TDRD10: variants seen among roughly 807,000 people sequenced by gnomAD.
The protein encoded by TDRD10 is tudor domain-containing protein 10.
In TDRD10, 40 loss-of-function variants were observed where a neutral mutation model predicts 48.0. The ratio of observed to expected loss-of-function variants is 0.83; its 90% confidence interval spans 0.65 to 1.09. The LOEUF (loss-of-function observed/expected upper bound fraction) is 1.09. Ranked by LOEUF, TDRD10 falls within the 50% of genes least tolerant of loss-of-function variation. The probability of loss-of-function intolerance (pLI) is 0.00; values close to 1 mark genes in which losing one functional copy is unlikely to be tolerated. For synonymous variants in TDRD10, 162 were observed against 170.4 expected, an observed-to-expected ratio of 0.95 and a Z score of 0.38; for missense variants, 378 against 434.7, an observed-to-expected ratio of 0.87 and a Z score of 1.16.
intron 6 of TDRD10, among the ~76,000 whole-genome samples, chr1:154,526,221 A>C: frequency 6.8e-6 from 1 of 147,214 alleles, no homozygotes; most frequent in Non-Finnish European, 1.5e-5. Context: ...AAAAAAAAAG[A>C]AACTTGACAT....
At chr1:154,524,520 G>A (rs1200716066) in intron 6 of TDRD10, among the ~76,000 whole-genome samples, 1 of 152,132 alleles carries the variant, frequency 6.6e-6, no homozygotes, top group Non-Finnish European at 1.5e-5. Context: ...CTATATCATG[G>A]AGACTTCTAT....
rs534373207 is a variant in TDRD10 at position 154,525,621 on chromosome 1, C to T, written c.369+4142C>T. Among the ~76,000 whole-genome samples, 5 of 152,218 alleles carry T rather than the reference C, an allele frequency of 3.3e-5. No individual in the cohort carries two copies. The East Asian group carries it at 5.8e-4, about 18-fold the overall frequency. ...GGAAGTAGACATTAATGGCCAGGCACGGTGGCTAACACCTGTAATCCCAGC... is the reference window on the plus strand; with the variant it reads ...GGAAGTAGACATTAATGGCCAGGCATGGTGGCTAACACCTGTAATCCCAGC... On this transcript the variant is annotated intron_variant, in intron 6 of 12. Transcript: ENST00000368482.
chr1:154,531,083 C>T (rs543969394), intron 6 of TDRD10, among the ~76,000 whole-genome samples: 117 of 152,110 alleles, frequency 7.7e-4, no homozygotes, highest in African/African-American at 2.5e-3. Flanking sequence ...TCAAGTGATC[C>T]GCCTGCCTCA....
In TDRD10 at chr1:154,542,711, C is replaced by G; in HGVS notation, c.413-20C>G. ...CTGGGTAGTTCTGGTGCCTCCAGGACTTAGTCTTCTGCTTTCTAGCTATTA... is the reference window on the plus strand; with the variant it reads ...CTGGGTAGTTCTGGTGCCTCCAGGAGTTAGTCTTCTGCTTTCTAGCTATTA... On this transcript the variant is annotated intron_variant, in intron 7 of 12. Transcript: ENST00000368482. 1.9e-6 allele frequency: 3 copies of G among 1,607,846 alleles called. No individual in the cohort carries two copies. Among genetic ancestry groups the G allele is most frequent in the Non-Finnish European group, 2.6e-6 (3 of 1,175,242 alleles).
chr1:154,516,145 G>T (rs968059147), intron 4 of TDRD10, among the ~76,000 whole-genome samples: 5 of 152,236 alleles, frequency 3.3e-5, no homozygotes, highest in African/African-American at 1.2e-4. Flanking sequence ...TTGAATGAAA[G>T]AGTGAGAGGA....
intron 4 of TDRD10, among the ~76,000 whole-genome samples, chr1:154,510,397 C>T (rs1693393235): frequency 6.6e-6 from 1 of 151,928 alleles, no homozygotes; most frequent in Non-Finnish European, 1.5e-5. Context: ...TCGAGACCAT[C>T]CTGGCTAACA....
intron 6 of TDRD10, 29 bp downstream of exon 6, chr1:154,521,508 G>T (rs371032139): frequency 6.2e-7 from 1 of 1,608,186 alleles, no homozygotes; most frequent in Non-Finnish European, 8.5e-7. Flanking sequence ...CTGCTCTGGG[G>T]CGTTCCATTT....
rs1010726875 is a variant in TDRD10 at position 154,507,244 on chromosome 1, C to T, written c.6C>T (p.Ser2=). The T allele has an allele frequency of 6.8e-6, 11 of 1,614,006 alleles. No homozygotes were observed. In the Middle Eastern group the frequency reaches 5.0e-4, roughly 73 times the overall value. ...TGCTGACACCTGTGTTTGACAGGTC[C>T]TGGAACATTAGTCACCCCCAACTCT... M[S]WNISHPQLSD... Residue 2 remains serine (S), a synonymous_variant, in exon 3 of 13, where the codon TCC becomes TCT. Transcript: ENST00000368482.
chr1:154,517,492 G>A lies in TDRD10; in HGVS notation c.142-2812G>A, dbSNP rs151148866. Among the ~76,000 whole-genome samples, 442 of 151,434 alleles carry A rather than the reference G, an allele frequency of 2.9e-3. 4 individuals carry two copies. Among genetic ancestry groups the A allele is most frequent in the African/African-American group, 0.01 (423 of 41,218 alleles). ...GCTGGAGCGCAATGGTGCGATCTCG[G>A]CTCACTGCACCCTCTGCCCCCTGGG... On this transcript the variant is annotated intron_variant, in intron 4 of 12. Coordinates refer to ENST00000368482, the MANE Select transcript of TDRD10 (RefSeq NM_182499.4).
chr1:154,513,793 A>G (rs572898081), intron 4 of TDRD10, among the ~76,000 whole-genome samples: 2 of 152,366 alleles, frequency 1.3e-5, no homozygotes, highest in African/African-American at 4.8e-5. Flanking sequence ...ATGCCGCCAT[A>G]AAGCAGCAGC....
intron 11 of TDRD10, among the ~76,000 whole-genome samples, chr1:154,546,446 ATATAT>A (rs1399159272): frequency 2.0e-5 from 3 of 146,748 alleles, no homozygotes; most frequent in East Asian, 2.0e-4. Flanking sequence ...ATCACGTAAT[ATATAT>A]TATATATTAT....
intron 3 of TDRD10, among the ~76,000 whole-genome samples, 180 bp from the exon 4 acceptor site, chr1:154,508,243 A>G (rs769583579): frequency 6.6e-6 from 1 of 152,202 alleles, no homozygotes; most frequent in Non-Finnish European, 1.5e-5. Flanking sequence ...AGCCAGGTAC[A>G]GTGGCTCACG....
intron 6 of TDRD10, among the ~76,000 whole-genome samples, chr1:154,526,902 T>A (rs12743348): frequency 1.6e-5 from 2 of 122,022 alleles, no homozygotes; most frequent in Admixed American, 8.7e-5. Context: ...ATTTTTTTTT[T>A]ATTTTTTTAT....
chr1:154,520,514 G>A, intron 5 of TDRD10, 140 bp downstream of exon 5: 1 of 665,696 alleles, frequency 1.5e-6, no homozygotes, highest in Non-Finnish European at 2.7e-6. Flanking sequence ...GAACATTTGG[G>A]AAACCCCCTT....
At chr1:154,508,527 A>G (rs763058597) in intron 4 of TDRD10, 46 bp downstream of exon 4, 15 of 1,314,736 alleles carry the variant, frequency 1.1e-5, no homozygotes, top group Admixed American at 6.7e-5. Context: ...TGGCCTTCCC[A>G]TATGACTTAG....
chr1:154,546,613 G>A (rs916502698), intron 11 of TDRD10, among the ~76,000 whole-genome samples: 1 of 152,008 alleles, frequency 6.6e-6, no homozygotes, highest in African/African-American at 2.4e-5. Context: ...GTTGTCTTGG[G>A]TCATTGCATG....
In TDRD10 at chr1:154,547,818, G is replaced by GC; in HGVS notation, c.*110dup. On this transcript the variant is annotated 3_prime_UTR_variant, in exon 13 of 13. Transcript: ENST00000368482. ...TCTTGAGGCCTGGGAGGTGAAAAAG[G>GC]CCAGACTGTGCCCAGGATTGATTCA... 7.4e-7 allele frequency: 1 copy of GC among 1,348,582 alleles called. No individual in the cohort carries two copies. Among genetic ancestry groups the GC allele is most frequent in the Non-Finnish European group, 1.1e-6 (1 of 948,964 alleles). The allele number at this position is 1,348,582 out of a possible 1,614,324, so 83.5% of individuals were successfully genotyped here.
chr1:154,545,846 C>A (rs1695525672), intron 11 of TDRD10, among the ~76,000 whole-genome samples: 1 of 149,522 alleles, frequency 6.7e-6, no homozygotes. Context: ...TCTCGGCTCA[C>A]TGCAACCTCC....
At chr1:154,545,079 A>G in intron 11 of TDRD10, 130 bp downstream of exon 11, 1 of 1,235,610 alleles carries the variant, frequency 8.1e-7, no homozygotes, top group Non-Finnish European at 1.1e-6. Context: ...ACCCAACCCC[A>G]GTTTTCAGCA....
Sources: gnomAD v4.1 joint callset for allele counts (sites outside exome capture counted in the v4.1 genomes callset) on GRCh38, gnomAD v4.1.1 for gene constraint, MANE v1.5 for transcripts, NCBI Gene and HGNC (gene_info 2026-07-23, HGNC 2026-07-21) for gene names.